Variants in BCAS3 observed in about 807,000 individuals in gnomAD.
The protein encoded by BCAS3 is BCAS4/BCAS3 fusion.
A neutral mutation model predicts 116.1 loss-of-function variants in BCAS3; 53 were observed. That is an observed-to-expected ratio of 0.46 (90% confidence interval 0.37 to 0.57). The LOEUF (loss-of-function observed/expected upper bound fraction) is 0.57, where lower values mean the gene tolerates loss of function less well. Ranked by LOEUF, BCAS3 falls within the 20% of genes least tolerant of loss-of-function variation. The probability of loss-of-function intolerance (pLI) is 0.00; values close to 1 mark genes in which losing one functional copy is unlikely to be tolerated. For missense variants in BCAS3, 917 were observed against 1,165.4 expected (o/e 0.79, Z 3.10); for synonymous variants, 391 against 408.2 (o/e 0.96, Z 0.51).
intron 19 of BCAS3, chr17:61,070,480 T>A: frequency 5.6e-6 from 1 of 178,092 alleles, no homozygotes; most frequent in Non-Finnish European, 1.2e-5. Context: ...CACATGAGAA[T>A]TTTTTTGAAT....
At chr17:60,935,145 A>G (rs1567906569) in intron 13 of BCAS3, among the ~76,000 whole-genome samples, 1 of 152,210 alleles carries the variant, frequency 6.6e-6, no homozygotes, top group South Asian at 2.1e-4. Context: ...GAGAAGGTTT[A>G]TGTATGGACT....
chr17:61,283,996 G>A (rs943365739), intron 22 of BCAS3, among the ~76,000 whole-genome samples: 2 of 152,148 alleles, frequency 1.3e-5, no homozygotes, highest in Admixed American at 1.3e-4. Flanking sequence ...TTGGTATTAC[G>A]ATCTTGAGAG....
chr17:61,127,357 G>T (rs1029114066), intron 22 of BCAS3, among the ~76,000 whole-genome samples: 2 of 151,458 alleles, frequency 1.3e-5, no homozygotes, highest in African/African-American at 4.9e-5. Context: ...GTGTTTTCTC[G>T]TGTAAGTGAG....
chr17:60,766,657 C>T (rs1268920856), intron 6 of BCAS3, among the ~76,000 whole-genome samples: 1 of 152,222 alleles, frequency 6.6e-6, no homozygotes, highest in Non-Finnish European at 1.5e-5. Flanking sequence ...GGGTCAGGGA[C>T]CCACTTGAGG....
intron 15 of BCAS3, among the ~76,000 whole-genome samples, chr17:61,000,539 G>A (rs1355910036): frequency 6.6e-6 from 1 of 151,896 alleles, no homozygotes; most frequent in Non-Finnish European, 1.5e-5. Flanking sequence ...ATAGTGTTTG[G>A]CACATATCAA....
intron 23 of BCAS3, among the ~76,000 whole-genome samples, chr17:61,372,775 C>A (rs1156464228): frequency 2.0e-5 from 3 of 152,056 alleles, no homozygotes; most frequent in Non-Finnish European, 4.4e-5. Flanking sequence ...CTGTTACCCC[C>A]CTCAAAATAA....
intron 22 of BCAS3, among the ~76,000 whole-genome samples, chr17:61,304,315 A>G (rs2053668061): frequency 6.6e-6 from 1 of 152,164 alleles, no homozygotes; most frequent in Non-Finnish European, 1.5e-5. Context: ...ACAGTAAGAA[A>G]CTCAAGCTTC....
chr17:61,168,445 T>A (rs2078647081), intron 22 of BCAS3, among the ~76,000 whole-genome samples: 1 of 152,350 alleles, frequency 6.6e-6, no homozygotes, highest in South Asian at 2.1e-4. Context: ...CTAATTTATT[T>A]TTAACAGGGA....
intron 22 of BCAS3, among the ~76,000 whole-genome samples, chr17:61,342,866 C>T (rs972479396): frequency 1.3e-5 from 2 of 151,794 alleles, no homozygotes; most frequent in Non-Finnish European, 2.9e-5. Context: ...TCTTCTGCCT[C>T]AGCCTCCGAA....
Position 61,388,593 on chromosome 17 carries a change from T to C in BCAS3, c.2594-3384T>C. ...TTGTCCATATCTTTTCCAAAAAGAT[T>C]CCTCAATGCTTTTCTTTTCAAAAGG... is the stretch of plus-strand genomic sequence containing the variant. On this transcript the variant is annotated intron_variant, in intron 23 of 23. Coordinates refer to ENST00000407086, the MANE Select transcript of BCAS3 (RefSeq NM_017679.5). This position sits in a 1 kb window ranked among gnomAD's most constrained non-coding sequence, Gnocchi z 6.5. 6.6e-7 allele frequency: 1 copy of C among 1,525,026 alleles called. No individual in the cohort carries two copies. Among genetic ancestry groups the C allele is most frequent in the Non-Finnish European group, 8.8e-7 (1 of 1,142,400 alleles). 94.5% of individuals were successfully genotyped at this position (1,525,026 alleles called of 1,614,324 possible). A position where few individuals can be genotyped will look rare whatever the true frequency, so the allele number is the denominator to read the frequency against.
chr17:61,014,427 T>C (rs2065306853), intron 15 of BCAS3, among the ~76,000 whole-genome samples: 1 of 152,070 alleles, frequency 6.6e-6, no homozygotes, highest in Admixed American at 6.6e-5. Flanking sequence ...CACATGTATA[T>C]GGTCAGTTGG....
At chr17:61,159,809 A>T (rs1294866033) in intron 22 of BCAS3, among the ~76,000 whole-genome samples, 2 of 152,182 alleles carry the variant, frequency 1.3e-5, no homozygotes, top group Non-Finnish European at 2.9e-5. Context: ...CCTCATCCTG[A>T]TTAATTCCTA....
At chr17:61,062,552 G>A (rs771603783) in intron 19 of BCAS3, among the ~76,000 whole-genome samples, 1 of 152,316 alleles carries the variant, frequency 6.6e-6, no homozygotes, top group East Asian at 1.9e-4. Context: ...AGTTGCACTA[G>A]TGTGAGTTCT....
chr17:60,687,428 A>G (rs754848898), intron 3 of BCAS3, among the ~76,000 whole-genome samples: 11 of 152,038 alleles, frequency 7.2e-5, no homozygotes, highest in African/African-American at 1.2e-4. Flanking sequence ...ACATGGTGAA[A>G]CCCCATCTCT....
At chr17:60,989,945 T>C (rs763161733) in intron 14 of BCAS3, 26 bp from the exon 15 acceptor site, 2 of 1,601,646 alleles carry the variant, frequency 1.2e-6, no homozygotes, top group East Asian at 2.2e-5. Context: ...GAGACATTTT[T>C]GTATCTTTTC....
At chr17:61,035,069 T>C (rs1215537455) in intron 17 of BCAS3, among the ~76,000 whole-genome samples, 4 of 152,180 alleles carry the variant, frequency 2.6e-5, no homozygotes, top group African/African-American at 9.6e-5. Context: ...ATACCCATTT[T>C]ATACCTTTTA....
chr17:61,309,291 C>T lies in BCAS3; in HGVS notation c.2426-59036C>T, dbSNP rs868820114. ...AAAGAGACCCAGAGTCCCCTTTCGT[C>T]CTCCCCATTCATTCTAGGGTAATAA... On this transcript the variant is annotated intron_variant, in intron 22 of 23. Transcript: ENST00000407086. The surrounding 1 kb of genome is among the most constrained non-coding windows in gnomAD (Gnocchi z 4.6). 1.3e-5 allele frequency among the ~76,000 whole-genome samples: 2 copies of T among 152,154 alleles called. No homozygotes were observed. Among genetic ancestry groups the T allele is most frequent in the African/African-American group, 2.4e-5 (1 of 41,422 alleles).
rs1376699468 is a variant in BCAS3 at position 61,063,620 on chromosome 17, A to C, written c.2030-11300A>C. On this transcript the variant is annotated intron_variant, in intron 19 of 23. Coordinates refer to ENST00000407086, the MANE Select transcript of BCAS3 (RefSeq NM_017679.5). This position sits in a 1 kb window ranked among gnomAD's most constrained non-coding sequence, Gnocchi z 5.3. ...TCAGGATCTTGTTTCCACTTGATTA[A>C]AATTTCCATTGAAAGCTTTGCTGTA... 6.6e-6 allele frequency among the ~76,000 whole-genome samples: 1 copy of C among 152,122 alleles called. No individual in the cohort carries two copies. The highest frequency in any genetic ancestry group is 1.9e-4 in the East Asian group (1 of 5,190).
chr17:60,910,509 A>T, intron 11 of BCAS3, 23 bp from the exon 12 acceptor site: 1 of 1,554,588 alleles, frequency 6.4e-7, no homozygotes. Flanking sequence ...GTGAAGTCAT[A>T]CATTTTACCT....
Sources: allele counts gnomAD v4.1 joint callset (sites outside exome capture counted in the v4.1 genomes callset), GRCh38; gene constraint gnomAD v4.1.1; non-coding constraint Gnocchi (gnomAD v3.1); transcripts MANE v1.5; gene names NCBI Gene and HGNC (gene_info 2026-07-23, HGNC 2026-07-21).